PCDH15: variants seen among roughly 807,000 people sequenced by gnomAD.
The protein encoded by PCDH15 is protocadherin related 15, also known as protocadherin-15.
A neutral mutation model predicts 178.5 loss-of-function variants in PCDH15; 129 were observed. The ratio of observed to expected loss-of-function variants is 0.72; its 90% CI spans 0.63 to 0.84. PCDH15 has a LOEUF of 0.84. Among genes scored for constraint, PCDH15 ranks in the 40% least tolerant of loss-of-function variants. PCDH15 has a pLI of 0.00. For missense variants in PCDH15, 2,230 were observed against 2,099.9 expected (o/e 1.06, Z -1.21); for synonymous variants, 800 against 732.0 (o/e 1.09, Z -1.50).
intron 2 of PCDH15, among the ~76,000 whole-genome samples, chr10:55,534,847 A>G (rs1227505716): frequency 6.6e-6 from 1 of 152,120 alleles, no homozygotes; most frequent in Non-Finnish European, 1.5e-5. Context: ...GATAAAGAAA[A>G]TGTGTTACAT....
intron 2 of PCDH15, among the ~76,000 whole-genome samples, chr10:55,578,482 G>A (rs1367134445): frequency 6.6e-6 from 1 of 152,092 alleles, no homozygotes; most frequent in Non-Finnish European, 1.5e-5. Flanking sequence ...GCCTTCCAAA[G>A]TGCTGGGATT....
At chr10:54,524,146 T>C (rs545792373) in intron 3 of PCDH15, among the ~76,000 whole-genome samples, 41 of 152,346 alleles carry the variant, frequency 2.7e-4, no homozygotes, top group African/African-American at 7.9e-4. Context: ...AACTTCTTCA[T>C]TGAGTCCATC....
chr10:54,077,124 T>C (rs1018183492), intron 17 of PCDH15, among the ~76,000 whole-genome samples: 39 of 152,260 alleles, frequency 2.6e-4, no homozygotes, highest in African/African-American at 8.7e-4. Context: ...GAATAAACTT[T>C]TGTTTGAAAT....
At chr10:54,493,739 A>G (rs554628074) in intron 3 of PCDH15, among the ~76,000 whole-genome samples, 81 of 152,296 alleles carry the variant, frequency 5.3e-4, no homozygotes, top group African/African-American at 1.8e-3. Context: ...ATTACTGGGT[A>G]TATAGCAAAG....
intron 2 of PCDH15, among the ~76,000 whole-genome samples, chr10:55,021,849 T>TTATA: frequency 1.3e-5 from 2 of 152,184 alleles, no homozygotes; most frequent in Middle Eastern, 6.8e-3. Flanking sequence ...TGTTCTTTTA[T>TTATA]TATAGTAAAT....
chr10:55,383,959 G>A (rs1220581170), intron 2 of PCDH15, among the ~76,000 whole-genome samples: 1 of 152,084 alleles, frequency 6.6e-6, no homozygotes, highest in East Asian at 1.9e-4. Flanking sequence ...TAAAATAATA[G>A]CAAGAAAGAG....
At chr10:55,120,459 G>A (rs1434893348) in intron 2 of PCDH15, among the ~76,000 whole-genome samples, 1 of 152,010 alleles carries the variant, frequency 6.6e-6, no homozygotes, top group Non-Finnish European at 1.5e-5. Flanking sequence ...GATCTAGAGG[G>A]AGTATATGAA....
chr10:54,779,011 A>T (rs1371192783), intron 1 of PCDH15, among the ~76,000 whole-genome samples: 1 of 151,974 alleles, frequency 6.6e-6, no homozygotes, highest in Non-Finnish European at 1.5e-5. Context: ...GTGTGAAGGG[A>T]TTTCTCCTTT....
chr10:54,156,717 C>T (rs1159972641), intron 13 of PCDH15, among the ~76,000 whole-genome samples: 4 of 152,198 alleles, frequency 2.6e-5, no homozygotes, highest in East Asian at 1.9e-4. Flanking sequence ...TAACTCATTT[C>T]AGCATTAACT....
At chr10:53,966,372 T>C (rs1313821499) in intron 21 of PCDH15, among the ~76,000 whole-genome samples, 1 of 152,094 alleles carries the variant, frequency 6.6e-6, no homozygotes, top group Non-Finnish European at 1.5e-5. Flanking sequence ...AAAGTTTTTT[T>C]CTCTCTCTGT....
chr10:54,464,423 C>CTGCTTACCT (rs1389681710), intron 3 of PCDH15, among the ~76,000 whole-genome samples: 23 of 152,078 alleles, frequency 1.5e-4, no homozygotes, highest in African/African-American at 3.6e-4. Flanking sequence ...GAAGATAAAT[C>CTGCTTACCT]TGCTTACCTG....
chr10:53,815,715 TAATA>T (rs1325910711), intron 35 of PCDH15, among the ~76,000 whole-genome samples: 2 of 151,704 alleles, frequency 1.3e-5, no homozygotes, highest in African/African-American at 4.8e-5. Context: ...TATATAAACA[TAATA>T]AGTAAATACA....
intron 1 of PCDH15, among the ~76,000 whole-genome samples, chr10:54,767,131 G>A (rs1014394019): frequency 3.3e-5 from 5 of 151,996 alleles, no homozygotes; most frequent in Admixed American, 3.3e-4. Flanking sequence ...ACCTTTTCAG[G>A]CTTTTGCAAA....
chr10:55,227,082 A>C (rs1841068662), intron 1 of PCDH15, among the ~76,000 whole-genome samples: 1 of 152,048 alleles, frequency 6.6e-6, no homozygotes, highest in African/African-American at 2.4e-5. Context: ...CATAATGTTG[A>C]ACATGAAAAA....
intron 1 of PCDH15, among the ~76,000 whole-genome samples, chr10:54,696,162 TAGG>T (rs2135871558): frequency 6.6e-6 from 1 of 152,160 alleles, no homozygotes; most frequent in South Asian, 2.1e-4. Context: ...TTATAAATTA[TAGG>T]AGGAGATCAA....
chr10:54,274,271 G>C (rs1591533179), intron 8 of PCDH15, among the ~76,000 whole-genome samples: 1 of 152,072 alleles, frequency 6.6e-6, no homozygotes, highest in East Asian at 1.9e-4. Flanking sequence ...ACCTGCACTT[G>C]TACCCCTAAA....
At chr10:54,873,698 TATA>T (rs1354321892) in intron 3 of PCDH15, among the ~76,000 whole-genome samples, 46 of 145,296 alleles carry the variant, frequency 3.2e-4, no homozygotes, top group African/African-American at 1.0e-3. Context: ...CTGTATTTTA[TATA>T]TATATATATA....
intron 3 of PCDH15, among the ~76,000 whole-genome samples, chr10:54,896,839 A>T (rs1369452457): frequency 6.6e-6 from 1 of 152,102 alleles, no homozygotes; most frequent in Non-Finnish European, 1.5e-5. Context: ...AGTAAAAAAA[A>T]CAATGTTTCT....
At chr10:54,530,437 T>C (rs2083790641) in intron 2 of PCDH15, among the ~76,000 whole-genome samples, 1 of 152,200 alleles carries the variant, frequency 6.6e-6, no homozygotes, top group Non-Finnish European at 1.5e-5. Flanking sequence ...ACAATACTAA[T>C]GTGTCTTTCT....
Sources: allele counts gnomAD v4.1 joint callset (sites outside exome capture counted in the v4.1 genomes callset), GRCh38; gene constraint gnomAD v4.1.1; transcripts MANE v1.5; gene names NCBI Gene and HGNC (gene_info 2026-07-23, HGNC 2026-07-21).